The following TNIP3 variants were observed in gnomAD, a reference collection of about 807,000 sequenced individuals.
TNIP3 encodes the protein TNFAIP3 interacting protein 3.
A neutral mutation model predicts 54.1 loss-of-function variants in TNIP3; 34 were observed. The observed-to-expected ratio is 0.63, with a 90% CI of 0.48 to 0.84. The LOEUF (loss-of-function observed/expected upper bound fraction) is 0.84. Ranked by LOEUF, TNIP3 falls within the 40% of genes least tolerant of loss-of-function variation. The probability of loss-of-function intolerance (pLI) is 0.00; values close to 1 mark genes in which losing one functional copy is unlikely to be tolerated. For synonymous variants in TNIP3, 134 were observed against 136.8 expected (o/e 0.98, Z 0.14); for missense variants, 366 against 387.6 (o/e 0.94, Z 0.47).
At chr4:121,181,163 T>A (rs9998339) in intron 3 of TNIP3, among the ~76,000 whole-genome samples, 52,513 of 151,956 alleles carry the variant, frequency 0.35, 10,992 homozygotes, top group African/African-American at 0.59. Context: ...GACCAAGAAG[T>A]CGAATGAACA....
intron 2 of TNIP3, among the ~76,000 whole-genome samples, chr4:121,216,049 G>A (rs1250783559): frequency 2.0e-5 from 3 of 152,038 alleles, no homozygotes; most frequent in Non-Finnish European, 4.4e-5. Flanking sequence ...AAGCAAATCA[G>A]GAGAAAAGAT....
chr4:121,159,471 C>T (rs865791315), intron 2 of TNIP3, among the ~76,000 whole-genome samples: 1 of 152,042 alleles, frequency 6.6e-6, no homozygotes, highest in Non-Finnish European at 1.5e-5. Flanking sequence ...CAAACTTTTT[C>T]GTATTTTTCT....
chr4:121,214,646 G>A (rs778645464), intron 2 of TNIP3, among the ~76,000 whole-genome samples: 3 of 152,070 alleles, frequency 2.0e-5, no homozygotes, highest in Non-Finnish European at 4.4e-5. Context: ...ATTTTGCCAA[G>A]CATATGCTTC....
chr4:121,217,367 C>CA (rs935760613), upstream of TNIP3, among the ~76,000 whole-genome samples: 699 of 148,504 alleles, frequency 4.7e-3, 6 homozygotes, highest in African/African-American at 0.016. Context: ...TAACAACAAC[C>CA]AAAAAAAAAA....
chr4:121,204,560 A>C (rs2148842455), intron 2 of TNIP3, among the ~76,000 whole-genome samples: 1 of 152,326 alleles, frequency 6.6e-6, no homozygotes, highest in African/African-American at 2.4e-5. Flanking sequence ...GACTTGTCTC[A>C]GATTTTCAGG....
At position 121,154,532 on chromosome 4, in the gene TNIP3, T is replaced by C. The variant is rs747839721; in HGVS notation, c.492+19A>G. 1 of 1,612,864 alleles carries C rather than the reference T, an allele frequency of 6.2e-7. No homozygotes were observed. Among genetic ancestry groups the C allele is most frequent in the African/African-American group, 1.3e-5 (1 of 74,986 alleles). On this transcript the variant is annotated intron_variant, in intron 5 of 10. Transcript: ENST00000057513. ...AGGGACTTCTCATTTTAATCTCCCA[T>C]GCTTGACCTGACTGATACCTTATTG...
At chr4:121,208,703 G>C (rs535418752) in intron 2 of TNIP3, among the ~76,000 whole-genome samples, 49 of 152,154 alleles carry the variant, frequency 3.2e-4, no homozygotes, top group Non-Finnish European at 5.1e-4. Flanking sequence ...GTTAAAAGTG[G>C]GTGTGATATA....
chr4:121,173,532 T>A (rs1174329585), intron 3 of TNIP3, among the ~76,000 whole-genome samples: 1 of 152,158 alleles, frequency 6.6e-6, no homozygotes, highest in East Asian at 1.9e-4. Flanking sequence ...AATTATTTTC[T>A]CTGGAAGGAA....
chr4:121,161,355 C>T, intron 1 of TNIP3, 139 bp from the exon 2 acceptor site: 1 of 672,484 alleles, frequency 1.5e-6, no homozygotes, highest in South Asian at 2.0e-5. Context: ...CAGTAATAAT[C>T]CTCATACCCT....
chr4:121,136,487 C>T (rs1728792627), intron 10 of TNIP3: 1 of 152,028 alleles, frequency 6.6e-6, no homozygotes, highest in Non-Finnish European at 1.5e-5. Context: ...CCTCAGTTTC[C>T]TCATGTGTTA....
intron 1 of TNIP3, among the ~76,000 whole-genome samples, chr4:121,221,943 T>G (rs982549695): frequency 6.6e-6 from 1 of 152,182 alleles, no homozygotes; most frequent in Non-Finnish European, 1.5e-5. Flanking sequence ...ATTTGAGGAC[T>G]GAATCTAAAA....
At chr4:121,178,885 A>G (rs2148825421) in intron 3 of TNIP3, among the ~76,000 whole-genome samples, 1 of 152,318 alleles carries the variant, frequency 6.6e-6, no homozygotes, top group East Asian at 1.9e-4. Flanking sequence ...TGAGTCTCTC[A>G]TAATCCATAT....
At chr4:121,198,168 TA>T (rs1725701859) in intron 2 of TNIP3, among the ~76,000 whole-genome samples, 1 of 151,916 alleles carries the variant, frequency 6.6e-6, no homozygotes, top group Non-Finnish European at 1.5e-5. Context: ...TTTTAGAAAT[TA>T]CTTGTAAGAG....
chr4:121,218,634 C>T (rs1271706265), upstream of TNIP3, among the ~76,000 whole-genome samples: 1 of 151,414 alleles, frequency 6.6e-6, no homozygotes. Context: ...CCCTCTCCCT[C>T]TCTCTGTCTC....
intron 2 of TNIP3, among the ~76,000 whole-genome samples, chr4:121,212,818 AG>A (rs1449813218): frequency 2.0e-5 from 3 of 152,308 alleles, no homozygotes; most frequent in South Asian, 2.1e-4. Flanking sequence ...ATTTAGAGTC[AG>A]GTAAGAAGGG....
chr4:121,215,449 G>C (rs539878865), intron 2 of TNIP3, among the ~76,000 whole-genome samples: 1 of 152,310 alleles, frequency 6.6e-6, no homozygotes, highest in African/African-American at 2.4e-5. Flanking sequence ...TCACTCAAGA[G>C]AGAGTATCAA....
At chr4:121,153,962 C>G (rs1038636943) in intron 5 of TNIP3, among the ~76,000 whole-genome samples, 1 of 152,108 alleles carries the variant, frequency 6.6e-6, no homozygotes, top group Non-Finnish European at 1.5e-5. Context: ...AGTTAGCGAC[C>G]CATTCCTCCA....
chr4:121,225,140 T>C (rs1193179555), intron 1 of TNIP3, among the ~76,000 whole-genome samples: 1 of 152,224 alleles, frequency 6.6e-6, no homozygotes, highest in African/African-American at 2.4e-5. Flanking sequence ...AATTCATACA[T>C]GTCAGATTAG....
Position 121,157,232 on chromosome 4 carries a change from C to T in TNIP3, c.225G>A (p.Leu75=). 6.2e-7 allele frequency: 1 copy of T among 1,614,132 alleles called. No homozygotes were observed. Among genetic ancestry groups the T allele is most frequent in the East Asian group, 2.2e-5 (1 of 44,874 alleles). ...TTTCCGCGGCGTCCAGTTTCGTCTT[C>T]AGCTCTGCTACCTGAGGAGGTCGTT... ...KELYERKVAE[L]KTKLDAAERF... is the part of the protein sequence containing the mutation. Residue 75 remains leucine (L), a synonymous_variant, in exon 4 of 11, where the codon CTG becomes CTA. Transcript: ENST00000057513.
Sources: gnomAD v4.1 joint callset for allele counts (sites outside exome capture counted in the v4.1 genomes callset) on GRCh38, gnomAD v4.1.1 for gene constraint, MANE v1.5 for transcripts, NCBI Gene and HGNC (gene_info 2026-07-23, HGNC 2026-07-21) for gene names.